The following YME1L1 variants were observed in gnomAD, a reference collection of about 807,000 sequenced individuals.
YME1L1 encodes ATP-dependent zinc metalloprotease YME1L1.
Under a neutral mutation model 90.4 loss-of-function variants are expected in YME1L1, and 39 were observed. The observed-to-expected ratio is 0.43, with a 90% CI of 0.33 to 0.56. The LOEUF (loss-of-function observed/expected upper bound fraction) is 0.56. Among genes scored for constraint, YME1L1 ranks in the 20% least tolerant of loss-of-function variants. The pLI is 0.03. For missense variants in YME1L1, 617 were observed against 868.4 expected (o/e 0.71, Z 3.64); for synonymous variants, 284 against 287.3 (o/e 0.99, Z 0.12).
At chr10:27,138,901 T>C (rs2135884987) in intron 4 of YME1L1, among the ~76,000 whole-genome samples, 2 of 152,262 alleles carry the variant, frequency 1.3e-5, no homozygotes, top group South Asian at 4.1e-4. Flanking sequence ...TTAAGTTTCC[T>C]TCCATTTCTA....
Position 27,117,691 on chromosome 10 carries a change from T to C in YME1L1, c.1604A>G (p.Asn535Ser). ...ERRSVEIDNK[N>S]KTITAYHESG... ...TTCATGATATGCTGTGATGGTTTTG[T>C]TTTTGTTATCAATTTCCACACTTCT... The change falls in exon 15 of 19, where the codon AAC (asparagine) becomes AGC (serine). Residue 535 changes from asparagine (N) to serine (S), a missense_variant. Physicochemically the swap from Asn to Ser is conservative, Grantham distance 46. This residue lies in a region of YME1L1 where 212 missense variants were observed against 330.0 expected (regional missense o/e 0.64). Coordinates refer to ENST00000376016, the MANE Select transcript of YME1L1 (RefSeq NM_014263.4). 1 of 1,614,218 alleles carries C rather than the reference T, an allele frequency of 6.2e-7. No homozygotes were observed.
chr10:27,147,758 C>T, intron 2 of YME1L1: 1 of 1,510,816 alleles, frequency 6.6e-7, no homozygotes, highest in Non-Finnish European at 8.9e-7. Context: ...TAGCATCTGG[C>T]TCCTGTCAAT....
intron 18 of YME1L1, among the ~76,000 whole-genome samples, chr10:27,113,219 C>CAAAAAAAAAAAAAAAAAAAA (rs869122796): frequency 4.6e-5 from 2 of 43,104 alleles, no homozygotes; most frequent in African/African-American, 8.3e-5. Flanking sequence ...GATGCTGTCT[C>CAAAAAAAAAAAAAAAAAAAA]AAAAAAAAAA....
chr10:27,117,602 T>C lies in YME1L1; in HGVS notation c.1693A>G (p.Met565Val), dbSNP rs751237397. The C allele has an allele frequency of 5.6e-6, 9 of 1,614,068 alleles. No individual in the cohort carries two copies. The highest frequency in any genetic ancestry group is 1.7e-5 in the Admixed American group (1 of 60,012). Residue 565 changes from methionine (M) to valine (V), a missense_variant, in exon 15 of 19, where the codon ATG (methionine) becomes GTG (valine). Physicochemically the swap from Met to Val is conservative, Grantham distance 21. Around this residue, in one of 4 missense-constraint regions of YME1L1, gnomAD observed 212 missense variants for 330.0 expected, o/e 0.64. Coordinates refer to ENST00000376016, the MANE Select transcript of YME1L1 (RefSeq NM_014263.4). ...DAMPINKATI[M>V]PRGPTLGHVS... ...TGTCCAAGTGTTGGCCCCCGTGGCA[T>C]GATTGTAGCTTTGTTGATAGGCATT...
intron 1 of YME1L1, chr10:27,153,312 G>A (rs2057251572): frequency 4.3e-6 from 2 of 466,034 alleles, no homozygotes; most frequent in East Asian, 6.9e-5. Context: ...TTCTTAAAAT[G>A]AGGGGGAGTA....
chr10:27,121,471 T>A (rs1333269870), intron 11 of YME1L1, 23 bp from the exon 12 acceptor site: 1 of 1,486,564 alleles, frequency 6.7e-7, no homozygotes. Flanking sequence ...AAAAATAGTA[T>A]CTTTTACTAA....
rs2056749128 is a variant in YME1L1, at chr10:27,110,534, A to G, written c.*1443T>C. The G allele has an allele frequency of 6.6e-6, 1 of 152,200 alleles. No individual in the cohort carries two copies. The highest frequency in any genetic ancestry group is 1.5e-5 in the Non-Finnish European group (1 of 68,032). The allele number at this position is 152,200 out of a possible 1,614,324, so 9.4% of individuals were successfully genotyped here. ...TTGTAATACCAATACAATGTGTTCT[A>G]AAATAATTTTTCTATTGAGTTAAAT... On this transcript the variant is annotated 3_prime_UTR_variant, in exon 19 of 19. Coordinates refer to ENST00000376016, the MANE Select transcript of YME1L1 (RefSeq NM_014263.4).
chr10:27,126,800 AT>A lies in YME1L1; in HGVS notation c.859-15del. Reference sequence around the variant, plus strand: ...AGCTTCCTCCACCTAAAGTGACACAATTTTCCAAATAACTTTAGATAATGGA... The same window carrying A: ...AGCTTCCTCCACCTAAAGTGACACAATTTCCAAATAACTTTAGATAATGGA... On this transcript the variant is annotated splice_polypyrimidine_tract_variant and intron_variant, in intron 8 of 18. Coordinates refer to ENST00000376016, the MANE Select transcript of YME1L1 (RefSeq NM_014263.4). 6.7e-7 allele frequency: 1 copy of A among 1,492,974 alleles called. No homozygotes were observed. The highest frequency in any genetic ancestry group is 9.1e-7 in the Non-Finnish European group (1 of 1,093,820). 92.5% of individuals were successfully genotyped at this position (1,492,974 alleles called of 1,614,324 possible).
intron 5 of YME1L1, 72 bp downstream of exon 5, chr10:27,136,204 T>C (rs1439870909): frequency 4.1e-6 from 5 of 1,210,248 alleles, no homozygotes; most frequent in Non-Finnish European, 6.0e-6. Flanking sequence ...ACAAAAGAAA[T>C]CAGATATTGA....
chr10:27,117,272 A>G (rs913109076), intron 15 of YME1L1, among the ~76,000 whole-genome samples: 18 of 152,304 alleles, frequency 1.2e-4, no homozygotes, highest in Middle Eastern at 3.4e-3. Context: ...GAGTAATTAG[A>G]TATTTAAGAA....
chr10:27,119,460 AAG>A lies in YME1L1; in HGVS notation c.1412-13_1412-12del. On this transcript the variant is annotated splice_polypyrimidine_tract_variant and intron_variant, in intron 13 of 18. Coordinates refer to ENST00000376016, the MANE Select transcript of YME1L1 (RefSeq NM_014263.4). ...TTTCTGGATCAACGGCTAATGTAAAAAGAGAACACAACGCTAATAAGTCTAAA... is the reference window on the plus strand; with the variant it reads ...TTTCTGGATCAACGGCTAATGTAAAAAGAACACAACGCTAATAAGTCTAAA... 1.2e-6 allele frequency: 2 copies of A among 1,601,524 alleles called. No individual in the cohort carries two copies. The highest frequency in any genetic ancestry group is 1.7e-6 in the Non-Finnish European group (2 of 1,176,620).
At chr10:27,146,743 G>A (rs2057147528) in intron 2 of YME1L1, 1 of 152,180 alleles carries the variant, frequency 6.6e-6, no homozygotes, top group African/African-American at 2.4e-5. Flanking sequence ...TTTTTTAAAA[G>A]AGGCATGGAC....
chr10:27,129,503 C>T (rs2056956016), intron 8 of YME1L1: 1 of 152,142 alleles, frequency 6.6e-6, no homozygotes, highest in African/African-American at 2.4e-5. Context: ...GAAATAATAA[C>T]ATAACCAATC....
intron 1 of YME1L1, chr10:27,153,367 T>C: frequency 2.8e-6 from 1 of 360,636 alleles, no homozygotes; most frequent in Non-Finnish European, 5.6e-6. Context: ...ATCAAGAACC[T>C]AAGAGTGTCG....
intron 4 of YME1L1, among the ~76,000 whole-genome samples, chr10:27,140,302 G>C (rs1175256956): frequency 6.6e-6 from 1 of 152,056 alleles, no homozygotes; most frequent in Non-Finnish European, 1.5e-5. Flanking sequence ...ACTGCATCCA[G>C]CCTGATTTCT....
chr10:27,121,292 T>C, intron 12 of YME1L1, 94 bp downstream of exon 12: 1 of 866,730 alleles, frequency 1.2e-6, no homozygotes, highest in South Asian at 1.4e-5. Context: ...AATGGAATCA[T>C]ACAGTGTTGA....
intron 1 of YME1L1, 132 bp downstream of exon 1, chr10:27,154,046 A>T: frequency 8.1e-7 from 1 of 1,229,362 alleles, no homozygotes; most frequent in Non-Finnish European, 1.2e-6. Flanking sequence ...CCACTCCTCA[A>T]TCCTGGGATT....
At position 27,115,022 on chromosome 10, in the gene YME1L1, G is replaced by A. The variant is rs192715199; in HGVS notation, c.1921-415C>T. On this transcript the variant is annotated intron_variant, in intron 17 of 18. Transcript: ENST00000376016. ...AGCCTAGGTGACAGAGCGAGACTCCGTCTCCAAAAAAAATAAAAATAAAAA... is the reference window on the plus strand; with the variant it reads ...AGCCTAGGTGACAGAGCGAGACTCCATCTCCAAAAAAAATAAAAATAAAAA... Among the ~76,000 whole-genome samples, 323 of 151,992 alleles carry A rather than the reference G, an allele frequency of 2.1e-3. 6 individuals are homozygous for A. The highest frequency in any genetic ancestry group is 1.2e-3 in the Non-Finnish European group (81 of 67,978).
At chr10:27,113,964 A>AG (rs1453909105) in intron 18 of YME1L1, among the ~76,000 whole-genome samples, 1 of 152,052 alleles carries the variant, frequency 6.6e-6, no homozygotes, top group African/African-American at 2.4e-5. Context: ...AAAAAAAAAA[A>AG]AAATTTATTT....
Sources: gnomAD v4.1 joint callset for allele counts (sites outside exome capture counted in the v4.1 genomes callset) on GRCh38, gnomAD v4.1.1 for gene constraint, gnomAD v4.1.1 regional missense constraint, MANE v1.5 for transcripts, NCBI Gene and HGNC (gene_info 2026-07-23, HGNC 2026-07-21) for gene names.